PRELID2: variants seen among roughly 807,000 people sequenced by gnomAD.
PRELID2 encodes the protein PRELI domain containing 2, also known as PRELI domain-containing protein 2.
PRELID2 carries 25 observed loss-of-function variants against 28.4 expected under a neutral mutation model. The ratio of observed to expected loss-of-function variants is 0.88; its 90% CI spans 0.64 to 1.23. The LOEUF is 1.23. PRELID2 is among the 50% of genes most tolerant of loss of function. The pLI, the probability that PRELID2 is intolerant of heterozygous loss-of-function variation, is 0.00. For synonymous variants in PRELID2, 76 were observed against 71.6 expected (o/e 1.06, Z -0.31); for missense variants, 201 against 214.4 (o/e 0.94, Z 0.39).
Position 145,605,097 on chromosome 5 carries a change from A to C in PRELID2, n.71-131782T>G, listed in dbSNP as rs567716275. 7.9e-5 allele frequency among the ~76,000 whole-genome samples: 12 copies of C among 151,770 alleles called. No individual in the cohort carries two copies. In the South Asian group the frequency reaches 2.5e-3, roughly 31 times the overall value. Reference sequence around the variant, plus strand: ...GACCTTTGTTAGGTGCATAGTTTACAAATATTTTCTCCCATTTTATGGGTT... The same window carrying C: ...GACCTTTGTTAGGTGCATAGTTTACCAATATTTTCTCCCATTTTATGGGTT... On this transcript the variant is annotated intron_variant and non_coding_transcript_variant, in intron 1 of 2. Transcript: ENST00000510259.
rs1042250302 is a variant in PRELID2 at position 145,492,965 on chromosome 5, A to G, written n.71-19650T>C. Reference sequence around the variant, plus strand: ...AAGCCCAGTGTTGGGGTAAAAGTCAATGTTCTGTATTCACTTCCCTCTCTT... The same window carrying G: ...AAGCCCAGTGTTGGGGTAAAAGTCAGTGTTCTGTATTCACTTCCCTCTCTT... On this transcript the variant is annotated intron_variant and non_coding_transcript_variant, in intron 1 of 2. Coordinates refer to the PRELID2 transcript ENST00000510259. Among the ~76,000 whole-genome samples, 2 of 140,302 alleles carry G rather than the reference A, an allele frequency of 1.4e-5. 1 individual carries two copies. Among genetic ancestry groups the G allele is most frequent in the African/African-American group, 5.0e-5 (2 of 39,914 alleles). The allele number at this position is 140,302 out of a possible 152,430, so 92.0% of individuals were successfully genotyped here.
At chr5:145,563,843 C>T (rs1653278602) in intron 1 of PRELID2, among the ~76,000 whole-genome samples, 3 of 152,154 alleles carry the variant, frequency 2.0e-5, no homozygotes, top group Admixed American at 2.0e-4. Context: ...TAAGTCTAGA[C>T]ATTTAATGTA....
chr5:145,751,276 G>GT (rs1179821648), intron 1 of PRELID2, among the ~76,000 whole-genome samples: 1 of 152,182 alleles, frequency 6.6e-6, no homozygotes, highest in Non-Finnish European at 1.5e-5. Context: ...AGGCTTCCTG[G>GT]ATATGCTGCG....
At chr5:145,491,111 C>A (rs539038341) in intron 1 of PRELID2, among the ~76,000 whole-genome samples, 6 of 151,842 alleles carry the variant, frequency 4.0e-5, no homozygotes, top group Admixed American at 6.6e-5. Context: ...GAATCTATAA[C>A]CAAAAAGACC....
chr5:145,282,439 G>A, the PRELID2 span, among the ~76,000 whole-genome samples: 1 of 151,778 alleles, frequency 6.6e-6, no homozygotes, highest in South Asian at 2.1e-4. Flanking sequence ...GGAATCTTTT[G>A]TCTGATTTTC....
chr5:145,463,836 GT>G, the PRELID2 span, among the ~76,000 whole-genome samples: 1 of 152,272 alleles, frequency 6.6e-6, no homozygotes, highest in East Asian at 1.9e-4. Context: ...AACTTAATAT[GT>G]ATGGAAGTCC....
At chr5:145,698,510 G>C (rs1017244889) in intron 1 of PRELID2, among the ~76,000 whole-genome samples, 8 of 152,168 alleles carry the variant, frequency 5.3e-5, no homozygotes, top group African/African-American at 1.9e-4. Context: ...CAGTGCTGGA[G>C]GCTGGGAAGT....
intron 6 of PRELID2, among the ~76,000 whole-genome samples, chr5:145,760,779 T>G (rs1179161728): frequency 1.3e-5 from 2 of 152,214 alleles, no homozygotes; most frequent in Non-Finnish European, 2.9e-5. Context: ...TCTTAATCAT[T>G]CCAGTGTGAT....
chr5:145,317,769 C>G, the PRELID2 span, among the ~76,000 whole-genome samples: 6 of 152,156 alleles, frequency 3.9e-5, no homozygotes, highest in African/African-American at 1.4e-4. Context: ...TCCAGGAACA[C>G]CTGCTCCCTG....
At chr5:145,244,164 AG>A in the PRELID2 span, among the ~76,000 whole-genome samples, 1 of 152,086 alleles carries the variant, frequency 6.6e-6, no homozygotes, top group Non-Finnish European at 1.5e-5. Flanking sequence ...TATGTTGGCC[AG>A]GCTGGTCTTG....
the PRELID2 span, among the ~76,000 whole-genome samples, chr5:145,268,241 A>G: frequency 6.6e-6 from 1 of 152,084 alleles, no homozygotes; most frequent in Non-Finnish European, 1.5e-5. Context: ...GAATTTCTGG[A>G]GGGTTTTCTT....
chr5:145,283,754 C>A, the PRELID2 span, among the ~76,000 whole-genome samples: 1 of 152,030 alleles, frequency 6.6e-6, no homozygotes, highest in Non-Finnish European at 1.5e-5. Flanking sequence ...GTATATGGGG[C>A]AATATATCTC....
chr5:145,627,096 CCAAAAAAAAAAAAAAAAAAA>C (rs1753857185), intron 1 of PRELID2, among the ~76,000 whole-genome samples: 1 of 32,052 alleles, frequency 3.1e-5, no homozygotes, highest in African/African-American at 1.1e-4. Context: ...TAAGACTCTC[CCAAAAAAAAAAAAAAAAAAA>C]AAAAAAAAAA....
At chr5:145,544,195 A>G (rs2126674899) in intron 1 of PRELID2, among the ~76,000 whole-genome samples, 1 of 152,224 alleles carries the variant, frequency 6.6e-6, no homozygotes, top group Non-Finnish European at 1.5e-5. Context: ...GCCCATGTCC[A>G]CTATGATAAG....
chr5:145,627,621 A>G (rs1753870955), intron 1 of PRELID2, among the ~76,000 whole-genome samples: 1 of 152,118 alleles, frequency 6.6e-6, no homozygotes, highest in Admixed American at 6.6e-5. Context: ...TGATCTCCCT[A>G]CATCAACCCT....
rs1052256472 is a variant in PRELID2 at position 145,751,167 on chromosome 5, T to C, written n.70+13764A>G. On this transcript the variant is annotated intron_variant and non_coding_transcript_variant, in intron 1 of 2. Coordinates refer to the PRELID2 transcript ENST00000510259. ...GATAAATGCTCATTATATTGATATA[T>C]AGGACTTCTTTCTCAACTAAGAGCT... Among the ~76,000 whole-genome samples, 7 of 152,218 alleles carry C rather than the reference T, an allele frequency of 4.6e-5. 1 individual carries two copies. Among genetic ancestry groups the C allele is most frequent in the African/African-American group, 1.7e-4 (7 of 41,452 alleles).
chr5:145,785,625 C>A (rs1323066392), intron 5 of PRELID2, among the ~76,000 whole-genome samples: 1 of 152,084 alleles, frequency 6.6e-6, no homozygotes, highest in Non-Finnish European at 1.5e-5. Flanking sequence ...ATTATTAGCA[C>A]AAGGAATGTT....
At chr5:145,623,180 G>T (rs1753795003) in intron 1 of PRELID2, among the ~76,000 whole-genome samples, 2 of 151,638 alleles carry the variant, frequency 1.3e-5, no homozygotes. Context: ...GCCGGGAGTG[G>T]TGGCTCATGC....
chr5:145,298,049 G>A, the PRELID2 span, among the ~76,000 whole-genome samples: 3 of 151,998 alleles, frequency 2.0e-5, no homozygotes, highest in African/African-American at 7.2e-5. Flanking sequence ...ACTGCCCAAG[G>A]TAATTTATAG....
Sources: allele counts gnomAD v4.1 joint callset (sites outside exome capture counted in the v4.1 genomes callset), GRCh38; gene constraint gnomAD v4.1.1; transcripts MANE v1.5; gene names NCBI Gene and HGNC (gene_info 2026-07-23, HGNC 2026-07-21).